LEKR1: variants seen among roughly 807,000 people sequenced by gnomAD.
The protein encoded by LEKR1 is leucine, glutamate and lysine rich 1.
Under a neutral mutation model 72.4 loss-of-function variants are expected in LEKR1, and 59 were observed. The ratio of observed to expected loss-of-function variants is 0.82; its 90% CI spans 0.66 to 1.01. LEKR1 has a LOEUF of 1.01. LEKR1 is among the 50% of genes least tolerant of loss of function. The probability of loss-of-function intolerance (pLI) is 0.00; values close to 1 mark genes in which losing one functional copy is unlikely to be tolerated. For missense variants in LEKR1, 728 were observed against 759.2 expected, an observed-to-expected ratio of 0.96 and a Z score of 0.48; for synonymous variants, 257 against 263.2, an observed-to-expected ratio of 0.98 and a Z score of 0.23.
intron 6 of LEKR1, among the ~76,000 whole-genome samples, chr3:156,962,821 T>A (rs1728241829): frequency 2.0e-5 from 3 of 152,194 alleles, no homozygotes; most frequent in Non-Finnish European, 4.4e-5. Flanking sequence ...TCTAGTCATT[T>A]TTCATTTGTG....
At chr3:157,008,414 G>T (rs1732632306) in intron 9 of LEKR1, among the ~76,000 whole-genome samples, 1 of 152,026 alleles carries the variant, frequency 6.6e-6, no homozygotes, top group African/African-American at 2.4e-5. Flanking sequence ...AATAAATTTT[G>T]AGTAGATACA....
At chr3:156,928,801 A>G (rs1576841861) in intron 5 of LEKR1, among the ~76,000 whole-genome samples, 1 of 152,090 alleles carries the variant, frequency 6.6e-6, no homozygotes, top group African/African-American at 2.4e-5. Flanking sequence ...CACCTACCCT[A>G]TGAGAAACAG....
At chr3:156,857,655 A>T (rs1560029732) in intron 3 of LEKR1, among the ~76,000 whole-genome samples, 1 of 152,196 alleles carries the variant, frequency 6.6e-6, no homozygotes, top group South Asian at 2.1e-4. Context: ...ACACTCAAGA[A>T]GTTTTGGATT....
At chr3:156,966,825 G>A (rs1007045131) in intron 6 of LEKR1, among the ~76,000 whole-genome samples, 1 of 152,196 alleles carries the variant, frequency 6.6e-6, no homozygotes, top group African/African-American at 2.4e-5. Flanking sequence ...TGGACAGACT[G>A]CCTCCTCAAG....
chr3:156,909,669 A>AG (rs1553800893), intron 3 of LEKR1, among the ~76,000 whole-genome samples: 3 of 145,928 alleles, frequency 2.1e-5, no homozygotes, highest in African/African-American at 2.6e-5. Flanking sequence ...AAAAAAAAAA[A>AG]AAAGAAATCT....
intron 3 of LEKR1, among the ~76,000 whole-genome samples, chr3:156,876,939 T>C (rs1289872377): frequency 1.5e-5 from 2 of 134,970 alleles, no homozygotes; most frequent in Non-Finnish European, 3.3e-5. Flanking sequence ...CCCCATTCAG[T>C]ATAATGTTGG....
intron 3 of LEKR1, among the ~76,000 whole-genome samples, chr3:156,915,149 T>C (rs1435239237): frequency 6.6e-6 from 1 of 152,014 alleles, no homozygotes; most frequent in African/African-American, 2.4e-5. Context: ...GTATCCAATC[T>C]GTCGTTAATG....
chr3:156,834,676 G>A (rs1284426895), intron 2 of LEKR1, among the ~76,000 whole-genome samples: 1 of 152,144 alleles, frequency 6.6e-6, no homozygotes, highest in African/African-American at 2.4e-5. Flanking sequence ...CCTAGTCAGA[G>A]GACAGGGCTA....
intron 3 of LEKR1, among the ~76,000 whole-genome samples, chr3:156,918,176 A>G (rs7645166): frequency 0.019 from 2,965 of 152,308 alleles, 105 homozygotes; most frequent in African/African-American, 0.066. Flanking sequence ...AATTTAATAA[A>G]AAGTGCTGAT....
intron 3 of LEKR1, among the ~76,000 whole-genome samples, chr3:156,885,741 C>G (rs1033705619): frequency 1.3e-5 from 2 of 152,232 alleles, no homozygotes. Flanking sequence ...TTCTTAAATG[C>G]TGGTTATGCT....
At chr3:156,876,895 G>T (rs1047486691) in intron 3 of LEKR1, among the ~76,000 whole-genome samples, 11 of 152,142 alleles carry the variant, frequency 7.2e-5, no homozygotes, top group South Asian at 2.1e-4. Flanking sequence ...TCCTTGCTTT[G>T]TTCCAGTTCT....
chr3:156,883,015 G>T (rs1400197862), intron 3 of LEKR1, among the ~76,000 whole-genome samples: 2 of 130,214 alleles, frequency 1.5e-5, no homozygotes, highest in East Asian at 3.9e-4. Context: ...GTTGGGGGGA[G>T]GGGGGAGAGA....
intron 3 of LEKR1, among the ~76,000 whole-genome samples, chr3:156,892,225 A>C (rs1296725628): frequency 6.6e-6 from 1 of 152,106 alleles, no homozygotes; most frequent in Non-Finnish European, 1.5e-5. Flanking sequence ...GATAGAATAG[A>C]CGCCACCAGA....
At chr3:156,854,374 A>G (rs1411371224) in intron 3 of LEKR1, among the ~76,000 whole-genome samples, 1 of 151,362 alleles carries the variant, frequency 6.6e-6, no homozygotes, top group African/African-American at 2.4e-5. Flanking sequence ...TCAAACTCCT[A>G]ACCTCAGGTG....
chr3:156,899,756 ACATATACATG>A (rs1264561083), intron 3 of LEKR1, among the ~76,000 whole-genome samples: 6 of 133,912 alleles, frequency 4.5e-5, no homozygotes, highest in East Asian at 2.3e-4. Flanking sequence ...GCATATATAC[ACATATACATG>A]CATATATACA....
At chr3:157,033,544 G>A (rs1235197810) in intron 12 of LEKR1, among the ~76,000 whole-genome samples, 1 of 152,166 alleles carries the variant, frequency 6.6e-6, no homozygotes, top group African/African-American at 2.4e-5. Context: ...TGAAAGAGAT[G>A]AGGAAGCTGC....
chr3:156,974,428 A>G (rs1729513359), intron 6 of LEKR1, among the ~76,000 whole-genome samples: 1 of 152,168 alleles, frequency 6.6e-6, no homozygotes, highest in South Asian at 2.1e-4. Flanking sequence ...ATGAAAATGA[A>G]CATCTCAGTT....
At chr3:157,008,444 T>A (rs1163133081) in intron 9 of LEKR1, among the ~76,000 whole-genome samples, 1 of 152,230 alleles carries the variant, frequency 6.6e-6, no homozygotes, top group Non-Finnish European at 1.5e-5. Context: ...TGTATATGTA[T>A]CAAATATAAA....
chr3:156,985,357 A>C (rs918581671), intron 7 of LEKR1, among the ~76,000 whole-genome samples: 1 of 152,196 alleles, frequency 6.6e-6, no homozygotes, highest in Non-Finnish European at 1.5e-5. Flanking sequence ...GCTAGCCATG[A>C]TTACATCTGG....
Sources: allele counts gnomAD v4.1 joint callset (sites outside exome capture counted in the v4.1 genomes callset), GRCh38; gene constraint gnomAD v4.1.1; transcripts MANE v1.5; gene names NCBI Gene and HGNC (gene_info 2026-07-23, HGNC 2026-07-21).